ATP2C1: variants seen among roughly 807,000 people sequenced by gnomAD.
ATP2C1 encodes the protein calcium-transporting ATPase type 2C member 1.
Under a neutral mutation model 120.5 loss-of-function variants are expected in ATP2C1, and 31 were observed. The observed-to-expected ratio is 0.26, with a 90% CI of 0.19 to 0.35. The LOEUF is 0.35. ATP2C1 is among the 10% of genes least tolerant of loss of function. ATP2C1 has a pLI of 1.00. For missense variants in ATP2C1, 731 were observed against 1,107.5 expected (o/e 0.66, Z 4.83); for synonymous variants, 351 against 358.7 (o/e 0.98, Z 0.24).
intron 1 of ATP2C1, chr3:130,868,483 C>A (rs866790680): frequency 3.0e-5 from 3 of 100,318 alleles, no homozygotes; most frequent in African/African-American, 1.1e-4. Flanking sequence ...CGCCTCTGCC[C>A]GGCCGCCCCT....
intron 1 of ATP2C1, among the ~76,000 whole-genome samples, chr3:130,853,738 T>C (rs547583791): frequency 1.3e-5 from 2 of 152,312 alleles, no homozygotes; most frequent in Admixed American, 1.3e-4. Flanking sequence ...TAGTAAATCA[T>C]GTGATTTCAT....
At chr3:131,009,417 G>T (rs1435147951) in intron 26 of ATP2C1, among the ~76,000 whole-genome samples, 1 of 152,184 alleles carries the variant, frequency 6.6e-6, no homozygotes, top group Non-Finnish European at 1.5e-5. Flanking sequence ...ATGTTTTCAG[G>T]AGTAGCAGGA....
intron 1 of ATP2C1, among the ~76,000 whole-genome samples, chr3:130,876,185 C>T (rs182063486): frequency 1.1e-4 from 17 of 151,916 alleles, no homozygotes; most frequent in African/African-American, 3.1e-4. Context: ...GAAGTCTTAC[C>T]CATAAAATTT....
chr3:130,963,270 CAGA>C (rs992978568), intron 12 of ATP2C1: 1 of 152,032 alleles, frequency 6.6e-6, no homozygotes, highest in African/African-American at 2.4e-5. Flanking sequence ...TTCATCATGC[CAGA>C]AGAAAACCCT....
At chr3:130,996,280 A>T in intron 23 of ATP2C1, 169 bp downstream of exon 23, 1 of 639,108 alleles carries the variant, frequency 1.6e-6, no homozygotes, top group Non-Finnish European at 2.8e-6. Context: ...AAATGGCATG[A>T]TAAATAGGTT....
At chr3:130,869,440 A>T (rs938637034) in intron 1 of ATP2C1, 15 of 42,268 alleles carry the variant, frequency 3.5e-4, no homozygotes, top group South Asian at 1.9e-3. Flanking sequence ...AAAAAAAAAA[A>T]AAAAAAAAAA....
chr3:130,867,435 G>C (rs1269036359), intron 1 of ATP2C1, among the ~76,000 whole-genome samples: 1 of 144,124 alleles, frequency 6.9e-6, no homozygotes, highest in East Asian at 2.0e-4. Context: ...TCAGCCTGCC[G>C]AGTGCCGCCA....
At chr3:130,985,125 TACATG>T (rs2061941266) in intron 20 of ATP2C1, among the ~76,000 whole-genome samples, 1 of 152,222 alleles carries the variant, frequency 6.6e-6, no homozygotes, top group Non-Finnish European at 1.5e-5. Context: ...CATTTTTACA[TACATG>T]TACAGTGCTT....
intron 1 of ATP2C1, among the ~76,000 whole-genome samples, chr3:130,861,756 C>T (rs753153365): frequency 8.6e-5 from 13 of 151,936 alleles, no homozygotes; most frequent in South Asian, 2.1e-4. Flanking sequence ...AAAGTAGATA[C>T]GAAGTGAATA....
rs75064276 is a variant in ATP2C1, at chr3:130,926,911, G to A, written c.7-3505G>A. Among the ~76,000 whole-genome samples, 472 of 152,312 alleles carry A rather than the reference G, an allele frequency of 3.1e-3. 5 individuals carry two copies. Among genetic ancestry groups the A allele is most frequent in the African/African-American group, 0.011 (440 of 41,558 alleles). ...AACCAGTGAGCAAGTACACATAGTA[G>A]GAATTATACCATCTTGGTAGAAAAC... On this transcript the variant is annotated intron_variant, in intron 2 of 27. Transcript: ENST00000510168.
At chr3:130,866,603 G>T (rs1218980921) in intron 1 of ATP2C1, among the ~76,000 whole-genome samples, 1 of 151,530 alleles carries the variant, frequency 6.6e-6, no homozygotes, top group Non-Finnish European at 1.5e-5. Flanking sequence ...TGCTAACTTT[G>T]TTCTTATTCT....
chr3:130,894,550 A>C lies in ATP2C1; in HGVS notation c.-180-40A>C. ...TGGCTGGGCGGGGAACTCCTTCCTC[A>C]GCCTCTCGTCAGCGCCGCTTCTCCT... On this transcript the variant is annotated intron_variant, in intron 1 of 27. Coordinates refer to ENST00000510168, the MANE Select transcript of ATP2C1 (RefSeq NM_001378687.1). This position sits in a 1 kb window ranked among gnomAD's most constrained non-coding sequence, Gnocchi z 4.5. 1 of 1,407,094 alleles carries C rather than the reference A, an allele frequency of 7.1e-7. No individual in the cohort carries two copies. Among genetic ancestry groups the C allele is most frequent in the Non-Finnish European group, 9.3e-7 (1 of 1,081,052 alleles). 87.2% of individuals were successfully genotyped at this position (1,407,094 alleles called of 1,614,324 possible).
intron 1 of ATP2C1, among the ~76,000 whole-genome samples, chr3:130,886,558 C>T (rs2068977126): frequency 6.6e-6 from 1 of 152,018 alleles, no homozygotes; most frequent in Non-Finnish European, 1.5e-5. Flanking sequence ...CTTCTCTGAC[C>T]ATGTATTTTC....
intron 26 of ATP2C1, among the ~76,000 whole-genome samples, chr3:131,012,372 C>T (rs1295282430): frequency 6.6e-6 from 1 of 151,748 alleles, no homozygotes; most frequent in African/African-American, 2.4e-5. Context: ...GTTCTCCCGC[C>T]TCAGCCTCCT....
chr3:130,914,270 T>A (rs1468346192), intron 2 of ATP2C1: 4 of 152,166 alleles, frequency 2.6e-5, no homozygotes, highest in African/African-American at 9.7e-5. Context: ...GTTTCATAGC[T>A]AAACATTTTT....
chr3:130,972,305 G>A (rs1027524665), intron 17 of ATP2C1, among the ~76,000 whole-genome samples: 3 of 152,064 alleles, frequency 2.0e-5, no homozygotes, highest in Non-Finnish European at 1.5e-5. Context: ...CACTGCCTGG[G>A]AGTTGGGGAG....
intron 6 of ATP2C1, among the ~76,000 whole-genome samples, chr3:130,938,027 T>C (rs569045595): frequency 7.9e-5 from 12 of 152,368 alleles, no homozygotes; most frequent in Admixed American, 2.6e-4. Flanking sequence ...ATGGTTCTAC[T>C]CATTGTTGGC....
chr3:130,902,668 A>G (rs943920342), intron 2 of ATP2C1, among the ~76,000 whole-genome samples: 1 of 151,870 alleles, frequency 6.6e-6, no homozygotes, highest in African/African-American at 2.4e-5. Flanking sequence ...TAGACCTCCT[A>G]TGTCTATTGC....
At position 131,001,337 on chromosome 3, in the gene ATP2C1, T is replaced by C. The variant is rs536508069; in HGVS notation, c.2747T>C (p.Phe916Ser). The C allele has an allele frequency of 1.2e-6, 2 of 1,613,490 alleles. No homozygotes were observed. Among genetic ancestry groups the C allele is most frequent in the South Asian group, 1.1e-5 (1 of 91,064 alleles). Reference protein sequence around the residue: ...QKHVSSTSSSFLEV With the variant: ...QKHVSSTSSSSLEV ...CATGTTAGTTCGACATCATCATCTT[T>C]TCTTGAAGTATGATGCATATTGCAT... The change falls in exon 28 of 28, where the codon TTT becomes TCT. Residue 916 changes from phenylalanine (F) to serine (S), a missense_variant. Around this residue, in one of 3 missense-constraint regions of ATP2C1, gnomAD observed 141 missense variants for 201.6 expected, o/e 0.70. Coordinates refer to ENST00000510168, the MANE Select transcript of ATP2C1 (RefSeq NM_001378687.1).
Sources: gnomAD v4.1 joint callset for allele counts (sites outside exome capture counted in the v4.1 genomes callset) on GRCh38, gnomAD v4.1.1 for gene constraint, gnomAD v4.1.1 regional missense constraint, Gnocchi (gnomAD v3.1) non-coding constraint, MANE v1.5 for transcripts, NCBI Gene and HGNC (gene_info 2026-07-23, HGNC 2026-07-21) for gene names.